The following PRKCZ variants were observed in gnomAD, a reference collection of about 807,000 sequenced individuals.
PRKCZ encodes protein kinase C zeta.
Under a neutral mutation model 79.5 loss-of-function variants are expected in PRKCZ, and 33 were observed. That is an observed-to-expected ratio of 0.41 (90% CI 0.31 to 0.55). The LOEUF is 0.55. Ranked by LOEUF, PRKCZ falls within the 20% of genes least tolerant of loss-of-function variation. PRKCZ has a pLI of 0.19. For synonymous variants in PRKCZ, 342 were observed against 320.9 expected, an observed-to-expected ratio of 1.07 and a Z score of -0.70; for missense variants, 578 against 813.5, an observed-to-expected ratio of 0.71 and a Z score of 3.52.
In PRKCZ at chr1:2,165,518, G is replaced by C. The variant is rs189828941; in HGVS notation, c.975-4000G>C. On this transcript the variant is annotated intron_variant, in intron 10 of 17. Transcript: ENST00000378567. This position sits in a 1 kb window ranked among gnomAD's most constrained non-coding sequence, Gnocchi z 4.1. ...GTTAACACAGAGGGACTTGGAGACT[G>C]ACGCTTACTGAGGGCCACACCAGCG... Among the ~76,000 whole-genome samples, 47 of 152,366 alleles carry C rather than the reference G, an allele frequency of 3.1e-4. No individual in the cohort carries two copies. Among genetic ancestry groups the C allele is most frequent in the African/African-American group, 1.1e-3 (47 of 41,590 alleles).
intron 4 of PRKCZ, among the ~76,000 whole-genome samples, chr1:2,087,375 G>A (rs568703955): frequency 1.4e-4 from 21 of 152,172 alleles, no homozygotes; most frequent in African/African-American, 4.8e-4. Flanking sequence ...GAGCTGTTGC[G>A]CCCGGCCCCC....
Position 2,056,559 on chromosome 1 carries a change from G to A in PRKCZ, c.269G>A (p.Gly90Asp). 3 of 1,613,428 alleles carry A rather than the reference G, an allele frequency of 1.9e-6. No homozygotes were observed. Among genetic ancestry groups the A allele is most frequent in the South Asian group, 2.2e-5 (2 of 90,820 alleles). Residue 90 changes from glycine (G) to aspartate (D), a missense_variant, in exon 3 of 18, where the codon GGC becomes GAC. By Grantham distance (94) the Gly-to-Asp change is moderately conservative. This residue lies in a region of PRKCZ where 228 missense variants were observed against 211.6 expected (regional missense o/e 1.08). Coordinates refer to ENST00000378567, the MANE Select transcript of PRKCZ (RefSeq NM_002744.6). ...FRLARQCRDEGLIIHVFPSTP... is the reference protein window; with the variant it reads ...FRLARQCRDEDLIIHVFPSTP... ...CTGGCCCGTCAGTGCAGGGATGAAGGCCTCATCATTCATGGTTAGTGGCGG... is the reference window on the plus strand; with the variant it reads ...CTGGCCCGTCAGTGCAGGGATGAAGACCTCATCATTCATGGTTAGTGGCGG...
chr1:2,071,814 A>G (rs1426728306), intron 4 of PRKCZ, among the ~76,000 whole-genome samples: 1 of 152,118 alleles, frequency 6.6e-6, no homozygotes, highest in East Asian at 1.9e-4. Context: ...TTATGATTTT[A>G]TAGGCCTAGC....
At chr1:2,117,991 A>ATTTTTTTTTTTT (rs1671067084) in intron 4 of PRKCZ, among the ~76,000 whole-genome samples, 1 of 21,210 alleles carries the variant, frequency 4.7e-5, no homozygotes, top group Admixed American at 6.0e-4. Context: ...AGATTAGCCT[A>ATTTTTTTTTTTT]TTATTTCTTT....
At chr1:2,091,334 G>T (rs1190491267) in intron 4 of PRKCZ, among the ~76,000 whole-genome samples, 1 of 152,218 alleles carries the variant, frequency 6.6e-6, no homozygotes, top group East Asian at 1.9e-4. Context: ...ACCGCGCCTG[G>T]CCTGTTTGTT....
chr1:2,169,029 C>T, intron 10 of PRKCZ: 1 of 398,220 alleles, frequency 2.5e-6, no homozygotes, highest in South Asian at 1.8e-5. Context: ...TTCTCCCTGA[C>T]CCCAGCTTGT....
At chr1:2,134,478 G>A (rs1229248061) in intron 4 of PRKCZ, among the ~76,000 whole-genome samples, 2 of 152,188 alleles carry the variant, frequency 1.3e-5, no homozygotes, top group Non-Finnish European at 2.9e-5. Flanking sequence ...GAGTTTTGGA[G>A]GAGCAAAGTG....
chr1:2,051,751 C>A (rs184153900), intron 1 of PRKCZ, among the ~76,000 whole-genome samples: 6 of 152,108 alleles, frequency 3.9e-5, no homozygotes, highest in Admixed American at 3.3e-4. Context: ...CCCTGCGAGT[C>A]TGAGCGGGTT....
At chr1:2,169,497 C>T in intron 10 of PRKCZ, 21 bp from the exon 11 acceptor site, 1 of 1,547,686 alleles carries the variant, frequency 6.5e-7, no homozygotes, top group East Asian at 2.5e-5. Context: ...ACTGCAGCCT[C>T]CGGCGCCTCT....
chr1:2,083,901 C>T (rs556456990), intron 4 of PRKCZ, among the ~76,000 whole-genome samples: 95 of 152,302 alleles, frequency 6.2e-4, no homozygotes, highest in African/African-American at 2.1e-3. Context: ...GTCTCTTTTG[C>T]GCTCGAATAG....
intron 4 of PRKCZ, among the ~76,000 whole-genome samples, chr1:2,091,622 C>T (rs1217070722): frequency 3.3e-5 from 5 of 152,116 alleles, no homozygotes; most frequent in South Asian, 2.1e-4. Context: ...GATGTTGAGC[C>T]TCTCACGCCT....
intron 4 of PRKCZ, among the ~76,000 whole-genome samples, chr1:2,077,655 G>T (rs1054320567): frequency 6.6e-6 from 1 of 152,198 alleles, no homozygotes; most frequent in East Asian, 1.9e-4. Context: ...CACAAAGAGA[G>T]AACAGGTGTC....
chr1:2,097,604 G>A (rs368644877), intron 4 of PRKCZ, among the ~76,000 whole-genome samples: 267 of 152,010 alleles, frequency 1.8e-3, no homozygotes, highest in African/African-American at 6.2e-3. Context: ...CGGAAGGCAC[G>A]CCTCGCACCC....
Position 2,082,996 on chromosome 1 carries a change from C to T in PRKCZ, c.334+23405C>T, listed in dbSNP as rs1183957841. Among the ~76,000 whole-genome samples, 1 of 152,092 alleles carries T rather than the reference C, an allele frequency of 6.6e-6. No individual in the cohort carries two copies. The highest frequency in any genetic ancestry group is 2.4e-5 in the African/African-American group (1 of 41,408). On this transcript the variant is annotated intron_variant, in intron 4 of 17. Transcript: ENST00000378567. The surrounding 1 kb of genome is among the most constrained non-coding windows in gnomAD (Gnocchi z 4.4). ...ACAGGTGTCCACACCTTGGGTGCCC[C>T]CGTCCTCCCTCTCCTCATGTCCTAA... is the stretch of plus-strand genomic sequence containing the variant.
chr1:2,144,701 G>A (rs1189537789), intron 6 of PRKCZ: 1 of 946,640 alleles, frequency 1.1e-6, no homozygotes, highest in East Asian at 9.6e-5. Flanking sequence ...AGTAGCATTG[G>A]GCACGCTGAG....
At chr1:2,066,066 T>C (rs1661098752) in intron 4 of PRKCZ, among the ~76,000 whole-genome samples, 1 of 152,220 alleles carries the variant, frequency 6.6e-6, no homozygotes, top group Non-Finnish European at 1.5e-5. Flanking sequence ...AGTATTTTCT[T>C]GAGGATTTTT....
chr1:2,117,791 A>G (rs561486676), intron 4 of PRKCZ, among the ~76,000 whole-genome samples: 5 of 152,106 alleles, frequency 3.3e-5, no homozygotes, highest in African/African-American at 4.8e-5. Context: ...TCCTTCATCT[A>G]TTGATGTGAC....
intron 4 of PRKCZ, among the ~76,000 whole-genome samples, chr1:2,065,678 CAAAAAAAAAAAAA>C: frequency 1.8e-5 from 1 of 56,106 alleles, no homozygotes; most frequent in East Asian, 4.5e-4. Context: ...GACTCTGTCT[CAAAAAAAAAAAAA>C]AAAAAAAAAA....
intron 4 of PRKCZ, among the ~76,000 whole-genome samples, chr1:2,070,368 C>T (rs983585457): frequency 6.6e-6 from 1 of 152,152 alleles, no homozygotes; most frequent in African/African-American, 2.4e-5. Flanking sequence ...TTGGGTCAGG[C>T]CCCAGGCAGC....
Sources: allele counts gnomAD v4.1 joint callset (sites outside exome capture counted in the v4.1 genomes callset), GRCh38; gene constraint gnomAD v4.1.1; regional missense constraint gnomAD v4.1.1; non-coding constraint Gnocchi (gnomAD v3.1); transcripts MANE v1.5; gene names NCBI Gene and HGNC (gene_info 2026-07-23, HGNC 2026-07-21).